Variants in ANO4 observed in about 807,000 individuals in gnomAD.
The protein encoded by ANO4 is anoctamin-4.
Under a neutral mutation model 141.9 loss-of-function variants are expected in ANO4, and 69 were observed. That is an observed-to-expected ratio of 0.49 (90% CI 0.40 to 0.59). The LOEUF is 0.59. Ranked by LOEUF, ANO4 falls within the 20% of genes least tolerant of loss-of-function variation. ANO4 has a pLI of 0.00. For missense variants in ANO4, 894 were observed against 1,162.2 expected (o/e 0.77, Z 3.36); for synonymous variants, 350 against 394.3 (o/e 0.89, Z 1.33).
intron 3 of ANO4, among the ~76,000 whole-genome samples, chr12:100,934,797 G>C (rs1227870592): frequency 6.6e-6 from 1 of 152,096 alleles, no homozygotes; most frequent in African/African-American, 2.4e-5. Flanking sequence ...TCCTTGAAGA[G>C]GTCCTTCACA....
intron 23 of ANO4, 89 bp downstream of exon 23, chr12:101,110,645 A>G: frequency 8.4e-7 from 1 of 1,187,338 alleles, no homozygotes; most frequent in Non-Finnish European, 1.1e-6. Context: ...ATTTTTAATT[A>G]TGTTTTCCAT....
chr12:101,062,505 C>T (rs1259580074), intron 14 of ANO4, among the ~76,000 whole-genome samples: 5 of 152,216 alleles, frequency 3.3e-5, no homozygotes, highest in African/African-American at 7.2e-5. Context: ...CCCCCAGGTG[C>T]TCTGTCCCAG....
intron 1 of ANO4, among the ~76,000 whole-genome samples, chr12:100,825,494 C>T (rs1298994476): frequency 6.6e-6 from 1 of 152,014 alleles, no homozygotes; most frequent in Non-Finnish European, 1.5e-5. Flanking sequence ...TGGCACCACA[C>T]TGCCTCATGT....
At chr12:100,758,933 T>G (rs2032734717) in intron 3 of ANO4, among the ~76,000 whole-genome samples, 1 of 152,182 alleles carries the variant, frequency 6.6e-6, no homozygotes, top group African/African-American at 2.4e-5. Context: ...CTGTCTCTTA[T>G]ACAAACACCT....
chr12:100,992,203 G>A, intron 8 of ANO4, among the ~76,000 whole-genome samples: 1 of 152,154 alleles, frequency 6.6e-6, no homozygotes, highest in East Asian at 1.9e-4. Flanking sequence ...TCTTCAAAAT[G>A]TGCATCTAAT....
intron 1 of ANO4, among the ~76,000 whole-genome samples, chr12:100,797,730 A>C (rs987120251): frequency 6.6e-6 from 1 of 152,102 alleles, no homozygotes; most frequent in African/African-American, 2.4e-5. Context: ...TTAATTTGAA[A>C]CTTGCAGCTT....
intron 8 of ANO4, among the ~76,000 whole-genome samples, chr12:101,000,566 A>G (rs618278): frequency 0.56 from 84,437 of 151,952 alleles, 23,662 homozygotes; most frequent in Non-Finnish European, 0.58. Flanking sequence ...CTGAACACTT[A>G]TTTTATTGCA....
At chr12:101,108,038 C>T (rs1225543283) in intron 22 of ANO4, among the ~76,000 whole-genome samples, 2 of 152,092 alleles carry the variant, frequency 1.3e-5, no homozygotes, top group African/African-American at 2.4e-5. Flanking sequence ...AGGATAAATA[C>T]GTTCAAGGAT....
rs1042912954 is a variant in ANO4, at chr12:101,088,160, A to G, written c.1701+1336A>G. Among the ~76,000 whole-genome samples, 3 of 151,778 alleles carry G rather than the reference A, an allele frequency of 2.0e-5. No individual in the cohort carries two copies. In the East Asian group the frequency reaches 5.8e-4, roughly 29 times the overall value. ...TCTGACCTCATCTTTTCTTTTACTC[A>G]CTGTGATTCACCTGCTCCAGCCGCA... On this transcript the variant is annotated intron_variant, in intron 17 of 27. Transcript: ENST00000392977.
intron 7 of ANO4, among the ~76,000 whole-genome samples, chr12:100,977,405 T>C (rs940882542): frequency 2.6e-5 from 4 of 152,130 alleles, no homozygotes; most frequent in African/African-American, 9.7e-5. Flanking sequence ...AACCTAAGGG[T>C]CCAGGTGTGG....
intron 1 of ANO4, among the ~76,000 whole-genome samples, chr12:100,718,991 T>A (rs2136710715): frequency 6.6e-6 from 1 of 152,334 alleles, no homozygotes; most frequent in Non-Finnish European, 1.5e-5. Context: ...TAATGATCAG[T>A]TCTGTACGTT....
At chr12:100,842,116 C>A (rs796950457) in intron 1 of ANO4, 1 of 128,714 alleles carries the variant, frequency 7.8e-6, no homozygotes, top group South Asian at 2.6e-4. Context: ...TATTCATTTT[C>A]TGGCTCTGAG....
chr12:100,991,269 A>G (rs1566098848), intron 8 of ANO4, among the ~76,000 whole-genome samples: 1 of 152,160 alleles, frequency 6.6e-6, no homozygotes, highest in Non-Finnish European at 1.5e-5. Flanking sequence ...ACAATCAGAA[A>G]AGAATTCCCT....
intron 10 of ANO4, among the ~76,000 whole-genome samples, chr12:101,037,362 C>T (rs2047240736): frequency 6.6e-6 from 1 of 152,096 alleles, no homozygotes; most frequent in African/African-American, 2.4e-5. Context: ...TGCGAGAATA[C>T]TTAAATCAAT....
intron 14 of ANO4, among the ~76,000 whole-genome samples, chr12:101,060,877 A>G (rs1821755719): frequency 6.6e-6 from 1 of 152,156 alleles, no homozygotes; most frequent in South Asian, 2.1e-4. Context: ...TAGCCCATTT[A>G]CATTTAAGGA....
At chr12:101,016,461 C>A (rs937162543) in intron 8 of ANO4, among the ~76,000 whole-genome samples, 2 of 152,080 alleles carry the variant, frequency 1.3e-5, no homozygotes, top group African/African-American at 4.8e-5. Context: ...AGATCCACCC[C>A]CATGAACCAA....
intron 8 of ANO4, among the ~76,000 whole-genome samples, chr12:101,013,330 A>G (rs975775939): frequency 3.3e-5 from 5 of 152,094 alleles, no homozygotes; most frequent in Non-Finnish European, 7.4e-5. Flanking sequence ...TGACTATCTA[A>G]CCCTATCCTT....
chr12:100,830,624 A>G (rs1003242622), intron 1 of ANO4, among the ~76,000 whole-genome samples: 3 of 151,982 alleles, frequency 2.0e-5, no homozygotes, highest in Admixed American at 2.0e-4. Context: ...TTGGGTAATA[A>G]TGGACATCAC....
chr12:100,991,531 A>G lies in ANO4; in HGVS notation c.734+3861A>G, dbSNP rs2045105613. On this transcript the variant is annotated intron_variant, in intron 8 of 27. Transcript: ENST00000392977. ...AAAATAGTAAAAAAAAAAAAAAAAA[A>G]AAAGAGAAAAACATTGAAAGTTTAA... 1.3e-5 allele frequency among the ~76,000 whole-genome samples: 2 copies of G among 151,106 alleles called. 1 individual carries two copies. Among genetic ancestry groups the G allele is most frequent in the South Asian group, 4.2e-4 (2 of 4,802 alleles).
Sources: gnomAD v4.1 joint callset for allele counts (sites outside exome capture counted in the v4.1 genomes callset) on GRCh38, gnomAD v4.1.1 for gene constraint, MANE v1.5 for transcripts, NCBI Gene and HGNC (gene_info 2026-07-23, HGNC 2026-07-21) for gene names.